The following NXT2 variants were observed in gnomAD, a reference collection of about 807,000 sequenced individuals.
The protein encoded by NXT2 is NTF2-related export protein 2.
Under a neutral mutation model 9.6 loss-of-function variants are expected in NXT2, and 1 was observed. That is an observed-to-expected ratio of 0.10 (90% CI 0.04 to 0.49). The LOEUF (loss-of-function observed/expected upper bound fraction) is 0.49. Among genes scored for constraint, NXT2 ranks in the 20% least tolerant of loss-of-function variants. NXT2 has a pLI of 0.95. For missense variants in NXT2, 48 were observed against 100.3 expected, an observed-to-expected ratio of 0.48 and a Z score of 2.23; for synonymous variants, 22 against 35.4, an observed-to-expected ratio of 0.62 and a Z score of 1.34.
rs1433816398 is a variant in NXT2, at chrX:109,541,468, T to G, written c.103-7T>G. The G allele has an allele frequency of 8.6e-7, 1 of 1,167,184 alleles. No homozygotes were observed. Among genetic ancestry groups the G allele is most frequent in the Non-Finnish European group, 1.2e-6 (1 of 868,772 alleles). On this transcript the variant is annotated splice_polypyrimidine_tract_variant and splice_region_variant and intron_variant, in intron 2 of 3. Transcript: ENST00000372106. ...TTTCCCTTTTTTAAATTTGTCTTTC[T>G]TTTTAGGCACTAACCAGGCTGTATC... is the stretch of plus-strand genomic sequence containing the variant.
intron 2 of NXT2, 83 bp downstream of exon 2, chrX:109,538,214 CT>C: frequency 1.6e-6 from 1 of 619,466 alleles, no homozygotes; most frequent in Non-Finnish European, 2.5e-6. Context: ...AGCGTTTCAT[CT>C]GACTTGCATA....
rs776829353 is a variant in NXT2, at chrX:109,544,354, A to G, written c.*1666A>G. 8.9e-6 allele frequency: 1 copy of G among 112,736 alleles called. No individual in the cohort carries two copies. Among genetic ancestry groups the G allele is most frequent in the East Asian group, 2.8e-4 (1 of 3,607 alleles). The allele number at this position is 112,736 out of a possible 1,213,427, so 9.3% of individuals were successfully genotyped here. On this transcript the variant is annotated 3_prime_UTR_variant, in exon 4 of 4. Transcript: ENST00000372106. ...TTTCTTGTAGTACTGATTGAAACTTACACGTTTTATTCTACTCATAGTGAG... is the reference window on the plus strand; with the variant it reads ...TTTCTTGTAGTACTGATTGAAACTTGCACGTTTTATTCTACTCATAGTGAG...
chrX:109,536,915 A>G lies in NXT2; in HGVS notation c.-92A>G, dbSNP rs770525699. 5.0e-6 allele frequency: 6 copies of G among 1,208,741 alleles called. No individual in the cohort carries two copies. In the South Asian group the frequency reaches 5.3e-5, roughly 11 times the overall value. On this transcript the variant is annotated 5_prime_UTR_variant, in exon 1 of 4. Coordinates refer to ENST00000372106, the MANE Select transcript of NXT2 (RefSeq NM_001242617.2). The stretch of plus-strand genomic sequence containing the variant: ...GCGTTTGGCGGGTTTCGCTCTCTTC[A>G]TAAGTATTGATCATTCCGCAGCCCT...
At chrX:109,538,508 T>A (rs1933336930) in intron 2 of NXT2, among the ~76,000 whole-genome samples, 1 of 111,779 alleles carries the variant, frequency 8.9e-6, no homozygotes, top group Non-Finnish European at 1.9e-5. Context: ...GTATTATTAG[T>A]GCTAATGAAG....
At chrX:109,540,024 G>C (rs1000298598) in intron 2 of NXT2, among the ~76,000 whole-genome samples, 1 of 111,715 alleles carries the variant, frequency 9.0e-6, no homozygotes, top group African/African-American at 3.3e-5. Flanking sequence ...GTAAGGAAGG[G>C]GTCCAGTTTC....
At chrX:109,536,252 C>T (rs764838013), upstream of NXT2, among the ~76,000 whole-genome samples, 11 of 112,298 alleles carry the variant, frequency 9.8e-5, no homozygotes, top group South Asian at 4.0e-3. Context: ...ATATAGTCAG[C>T]ACTCGACATT....
intron 2 of NXT2, among the ~76,000 whole-genome samples, chrX:109,539,035 C>A (rs1028660917): frequency 1.8e-5 from 2 of 110,794 alleles, no homozygotes; most frequent in Admixed American, 9.6e-5. Context: ...CCCCCACCCC[C>A]TGACAGGCCC....
intron 1 of NXT2, 116 bp from the exon 2 acceptor site, chrX:109,537,929 G>A (rs2091271360): frequency 6.8e-6 from 3 of 443,240 alleles, no homozygotes; most frequent in Non-Finnish European, 1.2e-5. Context: ...AAAGAATGTG[G>A]ACTGTATATA....
At chrX:109,537,286 C>T (rs1933301619) in intron 1 of NXT2, 2 of 951,971 alleles carry the variant, frequency 2.1e-6, no homozygotes, top group Admixed American at 5.4e-5. Flanking sequence ...TTGTTTATGG[C>T]TTGCAGTTTC....
chrX:109,536,717 C>A, upstream of NXT2: 1 of 641,839 alleles, frequency 1.6e-6, no homozygotes, highest in Non-Finnish European at 2.1e-6. Context: ...ATCATGTTTA[C>A]AAAAGCAAAG....
At chrX:109,536,441 C>G (rs756405703), upstream of NXT2, among the ~76,000 whole-genome samples, 1 of 112,665 alleles carries the variant, frequency 8.9e-6, no homozygotes, top group Non-Finnish European at 1.9e-5. Context: ...TTTAGGCATA[C>G]TGCCAAAACG....
chrX:109,539,986 C>T (rs112596567), intron 2 of NXT2, among the ~76,000 whole-genome samples: 149 of 111,866 alleles, frequency 1.3e-3, no homozygotes, highest in African/African-American at 4.5e-3. Context: ...AGTGTTTAAT[C>T]CATCTTGAGT....
Position 109,536,948 on chromosome X carries a change from G to A in NXT2, c.-59G>A. On this transcript the variant is annotated 5_prime_UTR_variant, in exon 1 of 4. Coordinates refer to ENST00000372106, the MANE Select transcript of NXT2 (RefSeq NM_001242617.2). ...TGATCATTCCGCAGCCCTGCGGACC[G>A]GACACGTGAGGAGGTAGTGACGCCG... 1.7e-6 allele frequency: 2 copies of A among 1,211,256 alleles called. No individual in the cohort carries two copies. The highest frequency in any genetic ancestry group is 3.5e-5 in the South Asian group (2 of 56,890).
At position 109,543,878 on chromosome X, in the gene NXT2, G is replaced by A. The variant is rs1021460870; in HGVS notation, c.*1190G>A. 4.5e-5 allele frequency: 5 copies of A among 111,798 alleles called. No homozygotes were observed. Among genetic ancestry groups the A allele is most frequent in the Admixed American group, 9.5e-5 (1 of 10,559 alleles). The allele number at this position is 111,798 out of a possible 1,213,427, so 9.2% of individuals were successfully genotyped here. ...ATAAGTGATTTTTTCCCAGTGCTTT[G>A]TACTGTCAACTGCATTATCTTTAAT... On this transcript the variant is annotated 3_prime_UTR_variant, in exon 4 of 4. Transcript: ENST00000372106.
Position 109,538,052 on chromosome X carries a change from A to G in NXT2, c.23A>G (p.Lys8Arg). ...CTGGAATTTTTCTTGTAGGATTTTA[A>G]AACTTATGTAGATCAGGCATGTAGA... MATSLDF[K>R]TYVDQACRAA... The change falls in exon 2 of 4, where the codon AAA (lysine) becomes AGA (arginine). Residue 8 changes from lysine (K) to arginine (R), a missense_variant. Transcript: ENST00000372106. The G allele has an allele frequency of 8.4e-7, 1 of 1,191,315 alleles. No homozygotes were observed.
intron 2 of NXT2, among the ~76,000 whole-genome samples, chrX:109,539,048 G>T (rs761313514): frequency 2.7e-5 from 3 of 110,582 alleles, no homozygotes; most frequent in African/African-American, 9.9e-5. Context: ...ACAGGCCCAG[G>T]TGTGTGATGT....
intron 1 of NXT2, chrX:109,537,431 G>A (rs768155512): frequency 1.6e-5 from 11 of 699,314 alleles, no homozygotes; most frequent in African/African-American, 9.4e-5. Flanking sequence ...TTAATTCTCC[G>A]GCACGAACGC....
At chrX:109,535,935 G>A (rs747719439), upstream of NXT2, 2 of 1,204,923 alleles carry the variant, frequency 1.7e-6, no homozygotes, top group Non-Finnish European at 2.2e-6. Context: ...GGATACCAAA[G>A]AAGAAGTAAC....
In NXT2 at chrX:109,543,376, A is replaced by G. The variant is rs1228580180; in HGVS notation, c.*688A>G. The G allele has an allele frequency of 8.9e-6, 1 of 112,017 alleles. No homozygotes were observed. The highest frequency in any genetic ancestry group is 1.9e-5 in the Non-Finnish European group (1 of 53,047). 9.2% of individuals were successfully genotyped at this position (112,017 alleles called of 1,213,427 possible). On this transcript the variant is annotated 3_prime_UTR_variant, in exon 4 of 4. Transcript: ENST00000372106. ...GCTTCCTAAAAAGATTTTTCTTGGC[A>G]GCTCCAGGTCTATACATTTAGGTAA... is the stretch of plus-strand genomic sequence containing the variant.
Sources: allele counts gnomAD v4.1 joint callset (sites outside exome capture counted in the v4.1 genomes callset), GRCh38; gene constraint gnomAD v4.1.1; transcripts MANE v1.5; gene names NCBI Gene and HGNC (gene_info 2026-07-23, HGNC 2026-07-21).